LOC128462377: variants seen among roughly 807,000 people sequenced by gnomAD.
chr16:89,377,687 C>G, the LOC128462377 span, among the ~76,000 whole-genome samples: 1 of 152,130 alleles, frequency 6.6e-6, no homozygotes, highest in Non-Finnish European at 1.5e-5. Flanking sequence ...ACGACTCCCA[C>G]CCGCTTTTAA....
At chr16:89,337,710 G>A in the LOC128462377 span, among the ~76,000 whole-genome samples, 9 of 152,102 alleles carry the variant, frequency 5.9e-5, no homozygotes, top group Admixed American at 5.2e-4. Context: ...AAAGTGCTGG[G>A]ATTACAGGCG....
chr16:89,318,119 G>A, the LOC128462377 span, among the ~76,000 whole-genome samples: 2 of 152,232 alleles, frequency 1.3e-5, no homozygotes, highest in African/African-American at 2.4e-5. Context: ...CCCCCGTGGT[G>A]TGAGGCTGCC....
chr16:89,320,857 C>T, the LOC128462377 span, among the ~76,000 whole-genome samples: 1 of 152,272 alleles, frequency 6.6e-6, no homozygotes, highest in Non-Finnish European at 1.5e-5. Flanking sequence ...AGAGCCCCTG[C>T]AGCCCAGAGG....
chr16:89,325,689 G>T, the LOC128462377 span, among the ~76,000 whole-genome samples: 1 of 152,216 alleles, frequency 6.6e-6, no homozygotes, highest in Non-Finnish European at 1.5e-5. Context: ...TTGCTTTGTG[G>T]TCTGCTAAGT....
At chr16:89,345,484 G>C in the LOC128462377 span, among the ~76,000 whole-genome samples, 13 of 152,178 alleles carry the variant, frequency 8.5e-5, no homozygotes, top group Non-Finnish European at 1.6e-4. Flanking sequence ...CCCCAAGCAC[G>C]GAGGCAGAGA....
chr16:89,336,097 G>A, the LOC128462377 span, among the ~76,000 whole-genome samples: 1 of 152,242 alleles, frequency 6.6e-6, no homozygotes, highest in Non-Finnish European at 1.5e-5. Context: ...CTGTTAATTT[G>A]CTGATCGTTT....
the LOC128462377 span, among the ~76,000 whole-genome samples, chr16:89,335,710 C>T: frequency 3.3e-5 from 5 of 152,354 alleles, no homozygotes; most frequent in East Asian, 7.7e-4. Flanking sequence ...CGCCCAGGGG[C>T]CTGCAAACAG....
the LOC128462377 span, among the ~76,000 whole-genome samples, chr16:89,367,107 C>T: frequency 1.3e-5 from 2 of 152,296 alleles, no homozygotes; most frequent in South Asian, 4.1e-4. Flanking sequence ...CGAGACTCAC[C>T]GGATACTCAC....
chr16:89,383,876 A>G, the LOC128462377 span, among the ~76,000 whole-genome samples: 2 of 152,310 alleles, frequency 1.3e-5, no homozygotes, highest in South Asian at 4.1e-4. Context: ...AGCTCCAGTC[A>G]TACCTCTGTC....
the LOC128462377 span, among the ~76,000 whole-genome samples, chr16:89,337,898 C>G: frequency 6.6e-6 from 1 of 152,130 alleles, no homozygotes; most frequent in Non-Finnish European, 1.5e-5. Context: ...GTGTGGAATC[C>G]CCCTCTATTG....
chr16:89,349,861 AACACACACACACACACACAC>A, the LOC128462377 span, among the ~76,000 whole-genome samples: 1,470 of 133,236 alleles, frequency 0.011, 12 homozygotes, highest in Non-Finnish European at 0.014. Flanking sequence ...TACTTGTTAA[AACACACACACACACACACAC>A]ACACACACAC....
At chr16:89,335,888 C>T in the LOC128462377 span, among the ~76,000 whole-genome samples, 2 of 152,190 alleles carry the variant, frequency 1.3e-5, no homozygotes, top group Non-Finnish European at 2.9e-5. Flanking sequence ...GCAGGATCCC[C>T]ACACGCCAGC....
At chr16:89,319,531 T>C in the LOC128462377 span, among the ~76,000 whole-genome samples, 14 of 152,222 alleles carry the variant, frequency 9.2e-5, no homozygotes, top group Admixed American at 7.8e-4. Context: ...ATCCAGGCCG[T>C]GGCCCTTCCA....
chr16:89,333,866 A>T, the LOC128462377 span, among the ~76,000 whole-genome samples: 15 of 152,288 alleles, frequency 9.8e-5, no homozygotes, highest in African/African-American at 3.4e-4. Context: ...TTATTCTGTG[A>T]GTATGTTCCC....
the LOC128462377 span, among the ~76,000 whole-genome samples, chr16:89,380,101 C>T: frequency 6.6e-6 from 1 of 152,160 alleles, no homozygotes; most frequent in Non-Finnish European, 1.5e-5. Flanking sequence ...ACCCCAGTTG[C>T]AAAACAATGA....
At chr16:89,380,389 G>C in the LOC128462377 span, among the ~76,000 whole-genome samples, 4 of 152,164 alleles carry the variant, frequency 2.6e-5, no homozygotes, top group South Asian at 2.1e-4. Context: ...TGGGATTACA[G>C]GTGTGAGCCA....
At chr16:89,376,457 A>T in the LOC128462377 span, among the ~76,000 whole-genome samples, 52 of 152,254 alleles carry the variant, frequency 3.4e-4, 1 homozygote, top group African/African-American at 1.2e-3. Flanking sequence ...TGTTTTTTTG[A>T]GTCAGACTCT....
chr16:89,358,816 TG>T, the LOC128462377 span, among the ~76,000 whole-genome samples: 1 of 151,972 alleles, frequency 6.6e-6, no homozygotes, highest in Non-Finnish European at 1.5e-5. Flanking sequence ...AGTTATAGTT[TG>T]TTTTTTGCCT....
the LOC128462377 span, among the ~76,000 whole-genome samples, chr16:89,355,600 T>C: frequency 3.3e-5 from 5 of 152,040 alleles, no homozygotes; most frequent in South Asian, 2.1e-4. Context: ...AACTCAAAAA[T>C]AGACTGAAAT....
Sources: gnomAD v4.1 joint callset for allele counts (sites outside exome capture counted in the v4.1 genomes callset) on GRCh38, gnomAD v4.1.1 for gene constraint, MANE v1.5 for transcripts.